The following PID1 variants were observed in gnomAD, a reference collection of about 807,000 sequenced individuals.
PID1 encodes PTB-containing, cubilin and LRP1-interacting protein.
A neutral mutation model predicts 19.1 loss-of-function variants in PID1; 10 were observed. The ratio of observed to expected loss-of-function variants is 0.52; its 90% CI spans 0.32 to 0.89. PID1 has a LOEUF of 0.89. Among genes scored for constraint, PID1 ranks in the 40% least tolerant of loss-of-function variants. The pLI, the probability that PID1 is intolerant of heterozygous loss-of-function variation, is 0.03. For synonymous variants in PID1, 130 were observed against 116.0 expected, an observed-to-expected ratio of 1.12 and a Z score of -0.78; for missense variants, 248 against 285.3, an observed-to-expected ratio of 0.87 and a Z score of 0.94.
At chr2:229,179,849 C>G (rs1690901606) in intron 1 of PID1, among the ~76,000 whole-genome samples, 1 of 152,064 alleles carries the variant, frequency 6.6e-6, no homozygotes, top group African/African-American at 2.4e-5. Context: ...CAGCACGAAG[C>G]AAAAAAGAGG....
intron 1 of PID1, among the ~76,000 whole-genome samples, chr2:229,175,347 G>A (rs1005087361): frequency 3.3e-5 from 5 of 152,078 alleles, no homozygotes; most frequent in South Asian, 2.1e-4. Context: ...CAAGAAACCC[G>A]AGCAAACACT....
chr2:229,046,348 G>C (rs990690362), intron 2 of PID1, among the ~76,000 whole-genome samples: 2 of 27,540 alleles, frequency 7.3e-5, no homozygotes, highest in Non-Finnish European at 1.3e-4. Flanking sequence ...AATTAGGAAA[G>C]TGTGTGTGTG....
At chr2:229,147,132 C>A (rs1335796820) in intron 2 of PID1, among the ~76,000 whole-genome samples, 2 of 152,188 alleles carry the variant, frequency 1.3e-5, no homozygotes, top group African/African-American at 4.8e-5. Context: ...TGAGGCAAGT[C>A]TGACACCAGA....
intron 2 of PID1, among the ~76,000 whole-genome samples, chr2:229,154,311 G>C (rs1024193802): frequency 2.0e-5 from 3 of 151,494 alleles, no homozygotes; most frequent in Admixed American, 6.6e-5. Context: ...AAGTTCTCAG[G>C]TACACTGGCC....
intron 2 of PID1, among the ~76,000 whole-genome samples, chr2:229,088,675 T>C (rs17475926): frequency 0.42 from 63,737 of 151,976 alleles, 14,563 homozygotes; most frequent in Middle Eastern, 0.59. Flanking sequence ...TGATCATAGT[T>C]TCCACATTCA....
At chr2:229,098,282 C>G (rs1196617834) in intron 2 of PID1, among the ~76,000 whole-genome samples, 1 of 152,154 alleles carries the variant, frequency 6.6e-6, no homozygotes, top group African/African-American at 2.4e-5. Context: ...GACAAGCATT[C>G]CTTTTAAGTT....
At chr2:229,203,345 A>G (rs531315456) in intron 1 of PID1, among the ~76,000 whole-genome samples, 35 of 152,226 alleles carry the variant, frequency 2.3e-4, no homozygotes, top group African/African-American at 8.4e-4. Flanking sequence ...AAGTATAGTA[A>G]GTCTTCACCT....
chr2:229,222,342 T>C (rs547275518), intron 1 of PID1, among the ~76,000 whole-genome samples: 1 of 152,336 alleles, frequency 6.6e-6, no homozygotes, highest in African/African-American at 2.4e-5. Flanking sequence ...TTTTCCGTAC[T>C]TACTCTTAAT....
chr2:229,074,291 C>G (rs999552158), intron 2 of PID1, among the ~76,000 whole-genome samples: 1 of 151,440 alleles, frequency 6.6e-6, no homozygotes, highest in African/African-American at 2.4e-5. Context: ...AAATCCAGAG[C>G]AAAATATACT....
At chr2:229,212,845 C>G (rs1253709578) in intron 1 of PID1, among the ~76,000 whole-genome samples, 1 of 152,056 alleles carries the variant, frequency 6.6e-6, no homozygotes, top group African/African-American at 2.4e-5. Context: ...GGAGCTCCCA[C>G]CCCCAGATTC....
chr2:229,101,219 ATT>A, intron 2 of PID1, among the ~76,000 whole-genome samples: 1 of 150,740 alleles, frequency 6.6e-6, no homozygotes, highest in African/African-American at 2.4e-5. Context: ...TTCCAAATGG[ATT>A]TTTTTTTTAA....
intron 1 of PID1, among the ~76,000 whole-genome samples, chr2:229,268,283 A>C (rs1690646384): frequency 6.6e-6 from 1 of 152,208 alleles, no homozygotes; most frequent in Non-Finnish European, 1.5e-5. Context: ...GGTAACAATA[A>C]TGATAATCAA....
At chr2:229,057,053 G>T (rs1316239218) in intron 2 of PID1, among the ~76,000 whole-genome samples, 2 of 151,718 alleles carry the variant, frequency 1.3e-5, no homozygotes, top group African/African-American at 4.8e-5. Flanking sequence ...TATTATTTTT[G>T]CTGACCTCAA....
At chr2:229,246,670 A>C (rs975451910) in intron 1 of PID1, among the ~76,000 whole-genome samples, 3 of 152,192 alleles carry the variant, frequency 2.0e-5, no homozygotes, top group Non-Finnish European at 4.4e-5. Flanking sequence ...TTTGCTCAAC[A>C]AAACTCACTA....
chr2:229,108,702 A>T (rs1435971892), intron 2 of PID1, among the ~76,000 whole-genome samples: 1 of 152,220 alleles, frequency 6.6e-6, no homozygotes, highest in Non-Finnish European at 1.5e-5. Context: ...AATATGAAGT[A>T]GGAGTCAGAG....
intron 2 of PID1, among the ~76,000 whole-genome samples, chr2:229,155,300 C>T (rs955723411): frequency 6.6e-6 from 1 of 152,238 alleles, no homozygotes; most frequent in Non-Finnish European, 1.5e-5. Flanking sequence ...GGCTTGGTGG[C>T]TCACATCTGT....
At chr2:229,203,947 G>A (rs967876393) in intron 1 of PID1, among the ~76,000 whole-genome samples, 2 of 152,020 alleles carry the variant, frequency 1.3e-5, no homozygotes, top group African/African-American at 4.8e-5. Flanking sequence ...ATGGTCTAAT[G>A]TTTAGACCAT....
chr2:229,035,803 A>G (rs1693651467), intron 2 of PID1, among the ~76,000 whole-genome samples: 1 of 152,186 alleles, frequency 6.6e-6, no homozygotes, highest in Non-Finnish European at 1.5e-5. Context: ...AGGCCTAGTC[A>G]GGGACAGCAA....
intron 1 of PID1, among the ~76,000 whole-genome samples, chr2:229,160,835 T>C (rs772810936): frequency 6.6e-6 from 1 of 152,222 alleles, no homozygotes; most frequent in Non-Finnish European, 1.5e-5. Context: ...ATTTAATCTA[T>C]AAGAATACAT....
Sources: gnomAD v4.1 joint callset for allele counts (sites outside exome capture counted in the v4.1 genomes callset) on GRCh38, gnomAD v4.1.1 for gene constraint, MANE v1.5 for transcripts, NCBI Gene and HGNC (gene_info 2026-07-23, HGNC 2026-07-21) for gene names.